Variants in MARF1 observed in about 807,000 individuals in gnomAD.
The protein encoded by MARF1 is limkain-b1.
A neutral mutation model predicts 168.2 loss-of-function variants in MARF1; 24 were observed. The ratio of observed to expected loss-of-function variants is 0.14; its 90% CI spans 0.10 to 0.20. The LOEUF (loss-of-function observed/expected upper bound fraction) is 0.20, where lower values mean the gene tolerates loss of function less well. Ranked by LOEUF, MARF1 falls within the 10% of genes least tolerant of loss-of-function variation. The probability of loss-of-function intolerance (pLI) is 1.00; values close to 1 mark genes in which losing one functional copy is unlikely to be tolerated. For missense variants in MARF1, 1,744 were observed against 2,143.6 expected (o/e 0.81, Z 3.68); for synonymous variants, 868 against 822.4 (o/e 1.06, Z -0.95).
At chr16:15,612,916 T>G in intron 16 of MARF1, 139 bp from the exon 17 acceptor site, 2 of 658,382 alleles carry the variant, frequency 3.0e-6, no homozygotes, top group Admixed American at 5.2e-5. Context: ...GCTTTACGTC[T>G]CAGTTTCTAT....
chr16:15,609,547 A>C lies in MARF1; in HGVS notation c.3930T>G (p.Phe1310Leu), dbSNP rs775935973. The C allele has an allele frequency of 1.2e-6, 2 of 1,613,944 alleles. No individual in the cohort carries two copies. The highest frequency in any genetic ancestry group is 2.2e-5 in the South Asian group (2 of 91,082). ...YYGFTKLLEL[F>L]EAIPDTLQVL... ...CTTGTAAAGTATCAGGTATGGCTTC[A>C]AAAAGTTCAAGTAGTTTGGTAAACC... The change falls in exon 20 of 27, where the codon TTT (phenylalanine) becomes TTG (leucine). Residue 1310 changes from phenylalanine (F) to leucine (L), a missense_variant. Physicochemically the swap from Phe to Leu is conservative, Grantham distance 22. This residue lies in a region of MARF1 where 543 missense variants were observed against 742.1 expected (regional missense o/e 0.73). Transcript: ENST00000396368.
At chr16:15,620,165 CA>C (rs1185092194) in intron 13 of MARF1, among the ~76,000 whole-genome samples, 1 of 151,268 alleles carries the variant, frequency 6.6e-6, no homozygotes, top group Non-Finnish European at 1.5e-5. Flanking sequence ...ACTCTGTCTC[CA>C]AAAAAATTAA....
chr16:15,637,963 T>A (rs1393559397), intron 2 of MARF1, among the ~76,000 whole-genome samples: 1 of 151,796 alleles, frequency 6.6e-6, no homozygotes, highest in Non-Finnish European at 1.5e-5. Flanking sequence ...GGTCAGAAGT[T>A]CAAGACCAGC....
At chr16:15,611,820 C>T in intron 17 of MARF1, 86 bp from the exon 18 acceptor site, 1 of 1,127,464 alleles carries the variant, frequency 8.9e-7, no homozygotes. Context: ...CGTTACTAGC[C>T]TCAGAGCATG....
intron 7 of MARF1, among the ~76,000 whole-genome samples, chr16:15,629,052 T>G (rs1293594924): frequency 1.3e-5 from 2 of 150,854 alleles, no homozygotes; most frequent in Non-Finnish European, 3.0e-5. Context: ...TTTTTTTTTT[T>G]GAAACAGAGT....
intron 21 of MARF1, chr16:15,605,878 C>A (rs1490433610): frequency 1.3e-5 from 2 of 152,538 alleles, no homozygotes; most frequent in Non-Finnish European, 2.9e-5. Flanking sequence ...GGCGTGGGGT[C>A]TTCCTATCCA....
intron 1 of MARF1, chr16:15,642,580 C>T (rs956857454): frequency 1.3e-5 from 2 of 152,190 alleles, no homozygotes; most frequent in Non-Finnish European, 1.5e-5. Context: ...GTGAGAGTGG[C>T]TGAAGCCCTA....
chr16:15,635,555 A>C (rs1470991916), intron 3 of MARF1, 101 bp downstream of exon 3: 3 of 1,078,516 alleles, frequency 2.8e-6, no homozygotes, highest in East Asian at 2.6e-5. Context: ...CCATGGGAGA[A>C]TCTTCAACCC....
intron 1 of MARF1, among the ~76,000 whole-genome samples, chr16:15,642,789 G>A (rs891520871): frequency 1.3e-5 from 2 of 152,186 alleles, no homozygotes; most frequent in Middle Eastern, 3.2e-3. Flanking sequence ...TGCCCTCGAA[G>A]GGGAACAGCG....
intron 7 of MARF1, among the ~76,000 whole-genome samples, chr16:15,626,026 G>T (rs150052777): frequency 1.2e-4 from 19 of 152,284 alleles, no homozygotes; most frequent in African/African-American, 4.6e-4. Flanking sequence ...TACAGTCCCA[G>T]CTACTCAGGT....
chr16:15,618,207 T>C (rs1303954187), intron 13 of MARF1, among the ~76,000 whole-genome samples: 3 of 152,164 alleles, frequency 2.0e-5, no homozygotes, highest in Admixed American at 6.5e-5. Flanking sequence ...TGGACAGAAC[T>C]TGGCTCATAG....
chr16:15,639,979 C>T (rs1057200233), intron 1 of MARF1, among the ~76,000 whole-genome samples: 13 of 152,192 alleles, frequency 8.5e-5, no homozygotes, highest in African/African-American at 1.2e-4. Flanking sequence ...TGGAAACTTG[C>T]ATATTCCAGA....
chr16:15,599,154 TAAAAAAAAA>T (rs565989147), intron 25 of MARF1, 130 bp from the exon 26 acceptor site: 10 of 299,258 alleles, frequency 3.3e-5, no homozygotes, highest in African/African-American at 2.4e-4. Context: ...TTTAAGGTAT[TAAAAAAAAA>T]AAAAAAAAAA....
intron 23 of MARF1, chr16:15,601,723 G>C (rs1466647462): frequency 1.8e-6 from 1 of 545,676 alleles, no homozygotes; most frequent in Non-Finnish European, 3.3e-6. Context: ...CCTGCTTGGG[G>C]GTCTTGACTC....
chr16:15,603,792 T>G (rs1226661520), intron 22 of MARF1, among the ~76,000 whole-genome samples: 1 of 152,182 alleles, frequency 6.6e-6, no homozygotes, highest in Non-Finnish European at 1.5e-5. Context: ...CAACCTTCCT[T>G]TCTGCCCTCA....
rs758070811 is a variant in MARF1, at chr16:15,598,957, C to T, written c.4881G>A (p.Ala1627=). The change falls in exon 26 of 27, where the codon GCG becomes GCA. Residue 1627 remains alanine (A), a synonymous_variant. Coordinates refer to ENST00000396368, the MANE Select transcript of MARF1 (RefSeq NM_014647.4). ...GGGACGGCAGGCACGAGGGGACAGG[C>T]GCACACAGGAGGTCGACGGGGGAGT... ...TDDSPVDLLC[A]PVPSCLPSPQ... The T allele has an allele frequency of 2.5e-5, 41 of 1,613,116 alleles. No homozygotes were observed. Among genetic ancestry groups the T allele is most frequent in the Admixed American group, 1.2e-4 (7 of 59,864 alleles).
At chr16:15,621,945 T>G (rs757650121) in intron 11 of MARF1, 34 bp from the exon 12 acceptor site, 2 of 1,603,310 alleles carry the variant, frequency 1.2e-6, no homozygotes, top group South Asian at 1.1e-5. Context: ...AAACGCTATG[T>G]CCGCCCAGAA....
chr16:15,599,020 G>A lies in MARF1; in HGVS notation c.4818C>T (p.Pro1606=), dbSNP rs1596422070. The change falls in exon 26 of 27, where the codon CCC becomes CCT. Residue 1606 remains proline, a synonymous_variant. Transcript: ENST00000396368. ...ELKLGADGSG[P]SHTEQELLRL... Reference sequence around the variant, plus strand: ...GGAGAAGCTCCTGCTCTGTGTGACTGGGCCCTGGGCAAACAAGGAGGGCCG... The same window carrying A: ...GGAGAAGCTCCTGCTCTGTGTGACTAGGCCCTGGGCAAACAAGGAGGGCCG... The A allele has an allele frequency of 6.2e-7, 1 of 1,605,140 alleles. No homozygotes were observed. The highest frequency in any genetic ancestry group is 8.5e-7 in the Non-Finnish European group (1 of 1,176,846).
At chr16:15,614,612 G>A (rs1278737076) in intron 16 of MARF1, among the ~76,000 whole-genome samples, 9 of 145,586 alleles carry the variant, frequency 6.2e-5, no homozygotes, top group South Asian at 4.4e-4. Context: ...GGTGAAACCC[G>A]TCTCTACTAA....
Sources: gnomAD v4.1 joint callset for allele counts (sites outside exome capture counted in the v4.1 genomes callset) on GRCh38, gnomAD v4.1.1 for gene constraint, gnomAD v4.1.1 regional missense constraint, MANE v1.5 for transcripts, NCBI Gene and HGNC (gene_info 2026-07-23, HGNC 2026-07-21) for gene names.